The following PRKCA variants were observed in gnomAD, a reference collection of about 807,000 sequenced individuals.
PRKCA encodes protein kinase C alpha type.
PRKCA carries 27 observed loss-of-function variants against 87.0 expected under a neutral mutation model. The ratio of observed to expected loss-of-function variants is 0.31; its 90% CI spans 0.23 to 0.43. PRKCA has a LOEUF of 0.43. Among genes scored for constraint, PRKCA ranks in the 20% least tolerant of loss-of-function variants. The pLI is 1.00. For synonymous variants in PRKCA, 329 were observed against 311.1 expected (o/e 1.06, Z -0.61); for missense variants, 518 against 852.3 (o/e 0.61, Z 4.88).
intron 5 of PRKCA, among the ~76,000 whole-genome samples, chr17:66,666,678 G>A (rs1009774072): frequency 1.3e-5 from 2 of 152,146 alleles, no homozygotes; most frequent in Non-Finnish European, 2.9e-5. Context: ...GGCTATATAA[G>A]TATTCCTGTA....
chr17:66,734,348 G>T (rs987102373), intron 9 of PRKCA, among the ~76,000 whole-genome samples: 1 of 152,176 alleles, frequency 6.6e-6, no homozygotes, highest in Non-Finnish European at 1.5e-5. Context: ...GCTAAACAAG[G>T]GTTTTATTAT....
At chr17:66,798,887 G>A (rs1407839657) in intron 16 of PRKCA, among the ~76,000 whole-genome samples, 26 of 32,786 alleles carry the variant, frequency 7.9e-4, no homozygotes, top group East Asian at 1.1e-3. Context: ...GATGGTGGTG[G>A]TGGTGGTGGT....
chr17:66,378,394 G>T (rs1277847592), intron 2 of PRKCA, among the ~76,000 whole-genome samples: 1 of 152,132 alleles, frequency 6.6e-6, no homozygotes, highest in Non-Finnish European at 1.5e-5. Context: ...TATGATTCAT[G>T]TATCATAAAA....
chr17:66,587,909 A>ATC (rs1567917467), intron 3 of PRKCA, among the ~76,000 whole-genome samples: 1 of 72,922 alleles, frequency 1.4e-5, no homozygotes, highest in Non-Finnish European at 2.9e-5. Flanking sequence ...ATATATATAT[A>ATC]TATATATATA....
At chr17:66,568,307 C>CTT (rs764525118) in intron 3 of PRKCA, among the ~76,000 whole-genome samples, 1 of 152,176 alleles carries the variant, frequency 6.6e-6, no homozygotes, top group Non-Finnish European at 1.5e-5. Context: ...GAATAAGACT[C>CTT]TGTCTCAAAA....
intron 8 of PRKCA, among the ~76,000 whole-genome samples, chr17:66,709,187 C>G (rs1973257807): frequency 6.6e-6 from 1 of 152,000 alleles, no homozygotes; most frequent in African/African-American, 2.4e-5. Context: ...CTCAAATTCT[C>G]TCCTGGAAGC....
intron 2 of PRKCA, among the ~76,000 whole-genome samples, chr17:66,395,245 C>T (rs956855606): frequency 1.3e-5 from 2 of 152,032 alleles, no homozygotes; most frequent in African/African-American, 4.8e-5. Context: ...GTGATGATGG[C>T]TTAGAACAGC....
intron 2 of PRKCA, among the ~76,000 whole-genome samples, chr17:66,459,125 C>G (rs916696895): frequency 6.6e-6 from 1 of 151,340 alleles, no homozygotes; most frequent in Non-Finnish European, 1.5e-5. Flanking sequence ...GTAATCCTAA[C>G]ACTTTGGGAG....
chr17:66,373,801 A>AT (rs1365342504), intron 2 of PRKCA, among the ~76,000 whole-genome samples: 1 of 152,156 alleles, frequency 6.6e-6, no homozygotes, highest in African/African-American at 2.4e-5. Flanking sequence ...AATCGGGTAG[A>AT]TTACCTCTGC....
chr17:66,687,351 C>A, intron 6 of PRKCA, 84 bp downstream of exon 6: 1 of 1,446,464 alleles, frequency 6.9e-7, no homozygotes, highest in Non-Finnish European at 9.4e-7. Context: ...GAAGTAGGTT[C>A]ATTATAAACG....
At chr17:66,365,536 T>C (rs1313384164) in intron 2 of PRKCA, among the ~76,000 whole-genome samples, 1 of 152,248 alleles carries the variant, frequency 6.6e-6, no homozygotes, top group Non-Finnish European at 1.5e-5. Flanking sequence ...ATGATTTTAC[T>C]CTGCCTTTAT....
intron 14 of PRKCA, chr17:66,777,760 C>G (rs150622354): frequency 8.1e-6 from 8 of 985,224 alleles, no homozygotes; most frequent in Non-Finnish European, 9.6e-6. Context: ...AGGGGCTGGG[C>G]GGAAACGAAG....
At position 66,414,036 on chromosome 17, in the gene PRKCA, T is replaced by C. The variant is rs559891804; in HGVS notation, c.206-82165T>C. On this transcript the variant is annotated intron_variant, in intron 2 of 16. Transcript: ENST00000413366. The stretch of plus-strand genomic sequence containing the variant: ...TCAAAAAAAAAAAAAAAAGATTAAA[T>C]ATGAGAACGAAAGATGCATATAAAT... Among the ~76,000 whole-genome samples, 9 of 150,542 alleles carry C rather than the reference T, an allele frequency of 6.0e-5. No individual in the cohort carries two copies. The East Asian group carries it at 1.8e-3, about 30-fold the overall frequency.
intron 2 of PRKCA, among the ~76,000 whole-genome samples, chr17:66,431,183 A>G (rs777120979): frequency 2.0e-5 from 3 of 152,222 alleles, no homozygotes; most frequent in Non-Finnish European, 2.9e-5. Flanking sequence ...GGGAAGAATA[A>G]CAATGTATTT....
intron 3 of PRKCA, among the ~76,000 whole-genome samples, chr17:66,531,316 AG>A (rs1967530368): frequency 6.6e-6 from 1 of 152,338 alleles, no homozygotes; most frequent in African/African-American, 2.4e-5. Flanking sequence ...AGTGGTTCTT[AG>A]CCCTGCCTGA....
chr17:66,343,142 G>A (rs1441132776), intron 2 of PRKCA, among the ~76,000 whole-genome samples: 1 of 151,806 alleles, frequency 6.6e-6, no homozygotes, highest in African/African-American at 2.4e-5. Flanking sequence ...TTAGGGGAGA[G>A]GGAGCATCTT....
intron 3 of PRKCA, among the ~76,000 whole-genome samples, chr17:66,578,561 G>A (rs1352565856): frequency 1.1e-5 from 1 of 95,074 alleles, no homozygotes; most frequent in African/African-American, 4.7e-5. Flanking sequence ...CCTGGGGCTG[G>A]TTTGGTTTGG....
intron 5 of PRKCA, among the ~76,000 whole-genome samples, chr17:66,681,010 C>G (rs111531477): frequency 1.3e-5 from 2 of 152,170 alleles, no homozygotes; most frequent in Admixed American, 6.5e-5. Flanking sequence ...GGGTGGATCA[C>G]TTGAGGTCGG....
intron 2 of PRKCA, among the ~76,000 whole-genome samples, chr17:66,472,113 A>G (rs1915351786): frequency 6.6e-6 from 1 of 152,082 alleles, no homozygotes. Flanking sequence ...ACAGGCTTGC[A>G]CCACTGCACC....
Sources: allele counts gnomAD v4.1 joint callset (sites outside exome capture counted in the v4.1 genomes callset), GRCh38; gene constraint gnomAD v4.1.1; transcripts MANE v1.5; gene names NCBI Gene and HGNC (gene_info 2026-07-23, HGNC 2026-07-21).